DGCR2: variants seen among roughly 807,000 people sequenced by gnomAD.
DGCR2 encodes the protein DiGeorge syndrome critical region gene 2.
DGCR2 carries 24 observed loss-of-function variants against 51.6 expected under a neutral mutation model. The ratio of observed to expected loss-of-function variants is 0.47; its 90% CI spans 0.34 to 0.65. DGCR2 has a LOEUF of 0.65. Among genes scored for constraint, DGCR2 ranks in the 30% least tolerant of loss-of-function variants. The pLI is 0.01. For missense variants in DGCR2, 765 were observed against 772.1 expected, an observed-to-expected ratio of 0.99 and a Z score of 0.11; for synonymous variants, 340 against 315.4, an observed-to-expected ratio of 1.08 and a Z score of -0.82.
intron 2 of DGCR2, among the ~76,000 whole-genome samples, chr22:19,079,952 C>T (rs1173410088): frequency 1.3e-5 from 2 of 152,232 alleles, no homozygotes; most frequent in Non-Finnish European, 2.9e-5. Flanking sequence ...CCCAGCTAGC[C>T]AGAGGCTCTA....
intron 2 of DGCR2, among the ~76,000 whole-genome samples, chr22:19,087,707 CAG>C (rs1296646598): frequency 7.4e-6 from 1 of 134,330 alleles, no homozygotes; most frequent in Non-Finnish European, 1.5e-5. Flanking sequence ...GCCTTTGAGA[CAG>C]AGTCTTGTTC....
Position 19,063,209 on chromosome 22 carries a change from T to A in DGCR2, c.618A>T (p.Ala206=), listed in dbSNP as rs2082705926. Residue 206 remains alanine (A), a synonymous_variant, in exon 5 of 10, where the codon GCA becomes GCT. Coordinates refer to ENST00000263196, the MANE Select transcript of DGCR2 (RefSeq NM_005137.3). ...CACACCAGAAGGGCTCACCTTTGAA[T>A]GCCACCTCCCAGCGACCTTCCAAGG... The part of the protein sequence containing the change: ...NRSLEGRWEV[A]FKGSSEVFLP... 6.2e-7 allele frequency: 1 copy of A among 1,614,026 alleles called. No individual in the cohort carries two copies. The highest frequency in any genetic ancestry group is 8.5e-7 in the Non-Finnish European group (1 of 1,180,028).
intron 2 of DGCR2, among the ~76,000 whole-genome samples, chr22:19,080,721 A>G (rs933331746): frequency 4.6e-5 from 7 of 152,190 alleles, no homozygotes; most frequent in African/African-American, 1.7e-4. Context: ...CTGTAGTCTC[A>G]GCTACTCAGG....
At chr22:19,107,875 T>A (rs550599772) in intron 1 of DGCR2, among the ~76,000 whole-genome samples, 1 of 152,198 alleles carries the variant, frequency 6.6e-6, no homozygotes, top group Non-Finnish European at 1.5e-5. Flanking sequence ...ATTTCGATCA[T>A]AGCCACAGGA....
chr22:19,044,057 G>C (rs1478129506), intron 7 of DGCR2, among the ~76,000 whole-genome samples: 1 of 152,178 alleles, frequency 6.6e-6, no homozygotes, highest in African/African-American at 2.4e-5. Context: ...AGATCCCAGG[G>C]GAGCTCCTAA....
At chr22:19,114,435 C>T (rs896054982) in intron 1 of DGCR2, among the ~76,000 whole-genome samples, 2 of 152,270 alleles carry the variant, frequency 1.3e-5, no homozygotes, top group African/African-American at 4.8e-5. Context: ...GCTGCTCCCA[C>T]TGTCAGGAGT....
At chr22:19,039,623 G>C (rs920598780) in intron 9 of DGCR2, among the ~76,000 whole-genome samples, 71 of 152,332 alleles carry the variant, frequency 4.7e-4, no homozygotes, top group African/African-American at 1.4e-3. Flanking sequence ...GAGCGGCCTG[G>C]AAAACCACAC....
At chr22:19,084,857 C>T (rs1426764262) in intron 2 of DGCR2, among the ~76,000 whole-genome samples, 3 of 151,620 alleles carry the variant, frequency 2.0e-5, no homozygotes, top group East Asian at 3.9e-4. Context: ...AGGTGGGGGG[C>T]GCCTCTGCCC....
At chr22:19,046,740 C>A (rs1215835364) in intron 7 of DGCR2, 1 of 443,650 alleles carries the variant, frequency 2.3e-6, no homozygotes, top group Non-Finnish European at 4.6e-6. Context: ...CAGAGCAGGG[C>A]CCAGCTAAGT....
At position 19,037,622 on chromosome 22, in the gene DGCR2, A is replaced by G. The variant is rs2082384824; in HGVS notation, c.*1243T>C. The G allele has an allele frequency of 6.6e-6, 1 of 152,232 alleles. No homozygotes were observed. Among genetic ancestry groups the G allele is most frequent in the African/African-American group, 2.4e-5 (1 of 41,436 alleles). The allele number at this position is 152,232 out of a possible 1,614,324, so 9.4% of individuals were successfully genotyped here. On this transcript the variant is annotated 3_prime_UTR_variant, in exon 10 of 10. Coordinates refer to ENST00000263196, the MANE Select transcript of DGCR2 (RefSeq NM_005137.3). The stretch of plus-strand genomic sequence containing the variant: ...TACACACACAGAGACACAAACATAC[A>G]AAGGAAAGATCCAGACATTCAACGT...
intron 6 of DGCR2, among the ~76,000 whole-genome samples, chr22:19,049,242 T>G (rs117978991): frequency 1.3e-5 from 2 of 152,132 alleles, no homozygotes; most frequent in African/African-American, 4.8e-5. Flanking sequence ...AAGCTGCCAG[T>G]TCTGCTTGGG....
rs567888900 is a variant in DGCR2, at chr22:19,072,071, C to T, written c.203-3846G>A. On this transcript the variant is annotated intron_variant, in intron 2 of 9. Transcript: ENST00000263196. ...CGCAGGGACAAGGCAGGTGGACACA[C>T]CCAGATTCCTCCCACAACTCAAGCA... Among the ~76,000 whole-genome samples, 10 of 152,164 alleles carry T rather than the reference C, an allele frequency of 6.6e-5. No individual in the cohort carries two copies. The East Asian group carries it at 1.7e-3, about 27-fold the overall frequency.
At position 19,060,119 on chromosome 22, in the gene DGCR2, C is replaced by T. The variant is rs563737225; in HGVS notation, c.626-2957G>A. On this transcript the variant is annotated intron_variant, in intron 5 of 9. Coordinates refer to ENST00000263196, the MANE Select transcript of DGCR2 (RefSeq NM_005137.3). Reference sequence around the variant, plus strand: ...ACTGTGGCCTGACCCCAGCTGACCCCATCCTAGACCAATGGTCAGCTCACC... The same window carrying T: ...ACTGTGGCCTGACCCCAGCTGACCCTATCCTAGACCAATGGTCAGCTCACC... Among the ~76,000 whole-genome samples the T allele has an allele frequency of 1.1e-4, 17 of 152,332 alleles. No homozygotes were observed. In the South Asian group the frequency reaches 3.3e-3, roughly 30 times the overall value.
intron 2 of DGCR2, among the ~76,000 whole-genome samples, chr22:19,083,639 C>G (rs2082966404): frequency 6.6e-6 from 1 of 151,902 alleles, no homozygotes; most frequent in East Asian, 1.9e-4. Flanking sequence ...TTTTACACAT[C>G]TTTTGTTAAT....
intron 1 of DGCR2, among the ~76,000 whole-genome samples, chr22:19,103,803 T>C (rs2083232898): frequency 6.7e-6 from 1 of 149,840 alleles, no homozygotes; most frequent in African/African-American, 2.5e-5. Context: ...CCCAGCACTT[T>C]GAGAAGCCAA....
intron 1 of DGCR2, among the ~76,000 whole-genome samples, chr22:19,104,784 G>A (rs948971926): frequency 2.6e-5 from 4 of 152,228 alleles, no homozygotes; most frequent in African/African-American, 4.8e-5. Context: ...GTCTTGGAAA[G>A]AGCTGGCAGC....
chr22:19,088,529 T>TCAGGTTGGCAAAGCAGA, intron 2 of DGCR2, among the ~76,000 whole-genome samples: 1 of 152,308 alleles, frequency 6.6e-6, no homozygotes, highest in Admixed American at 6.5e-5. Context: ...TAGTGATAAA[T>TCAGGTTGGCAAAGCAGA]CAGGTTGGCA....
intron 5 of DGCR2, chr22:19,060,862 C>A (rs1416457383): frequency 7.8e-6 from 4 of 515,652 alleles, no homozygotes; most frequent in East Asian, 5.5e-5. Context: ...AGGAACCCTG[C>A]GGAAACGAGC....
chr22:19,046,591 G>GTC, intron 7 of DGCR2: 1 of 192,936 alleles, frequency 5.2e-6, no homozygotes, highest in Non-Finnish European at 1.2e-5. Flanking sequence ...CTTGTTGGAG[G>GTC]GGACATTCTG....
Sources: gnomAD v4.1 joint callset for allele counts (sites outside exome capture counted in the v4.1 genomes callset) on GRCh38, gnomAD v4.1.1 for gene constraint, MANE v1.5 for transcripts, NCBI Gene and HGNC (gene_info 2026-07-23, HGNC 2026-07-21) for gene names.